MIER2: variants seen among roughly 807,000 people sequenced by gnomAD.
MIER2 encodes mesoderm induction early response protein 2.
In MIER2, 30 loss-of-function variants were observed where a neutral mutation model predicts 67.6. The ratio of observed to expected loss-of-function variants is 0.44; its 90% CI spans 0.33 to 0.60. MIER2 has a LOEUF of 0.60. MIER2 is among the 20% of genes least tolerant of loss of function. The pLI, the probability that MIER2 is intolerant of heterozygous loss-of-function variation, is 0.02. For synonymous variants in MIER2, 372 were observed against 312.6 expected (o/e 1.19, Z -2.00); for missense variants, 702 against 745.1 (o/e 0.94, Z 0.67).
chr19:324,176 C>T (rs1045475352), intron 7 of MIER2, among the ~76,000 whole-genome samples: 1 of 136,580 alleles, frequency 7.3e-6, no homozygotes, highest in African/African-American at 3.0e-5. Context: ...ATGCAATACA[C>T]AGGACACACA....
chr19:326,991 G>A, intron 5 of MIER2, 142 bp downstream of exon 5: 1 of 1,193,296 alleles, frequency 8.4e-7, no homozygotes, highest in Non-Finnish European at 1.2e-6. Context: ...CACCCCCAGG[G>A]CTACTGACGC....
intron 3 of MIER2, among the ~76,000 whole-genome samples, chr19:330,780 C>A (rs1016674210): frequency 6.6e-6 from 1 of 152,120 alleles, no homozygotes; most frequent in African/African-American, 2.4e-5. Context: ...GAGGACACAG[C>A]AAGCCAAGAA....
chr19:341,014 C>A (rs1485619703), intron 1 of MIER2, among the ~76,000 whole-genome samples: 1 of 152,208 alleles, frequency 6.6e-6, no homozygotes, highest in African/African-American at 2.4e-5. Context: ...GGCCTCACCT[C>A]TTTCCAGGAC....
At chr19:313,056 G>A (rs1442189378) in intron 8 of MIER2, among the ~76,000 whole-genome samples, 1 of 78,974 alleles carries the variant, frequency 1.3e-5, no homozygotes, top group Non-Finnish European at 2.5e-5. Flanking sequence ...ATCAGGGGCC[G>A]TCCACACCAC....
intron 7 of MIER2, among the ~76,000 whole-genome samples, chr19:324,863 G>A (rs1213692060): frequency 2.0e-5 from 3 of 152,208 alleles, no homozygotes; most frequent in Non-Finnish European, 4.4e-5. Flanking sequence ...TGTCCCCTCC[G>A]ACCCTGCCTT....
intron 5 of MIER2, 100 bp downstream of exon 5, chr19:327,033 G>A: frequency 6.9e-7 from 1 of 1,458,806 alleles, no homozygotes; most frequent in Non-Finnish European, 9.1e-7. Context: ...CATCTGTGAT[G>A]AGTTCTTGGC....
Position 306,372 on chromosome 19 carries a change from C to G in MIER2, c.*318G>C. 1 of 510,440 alleles carries G rather than the reference C, an allele frequency of 2.0e-6. No homozygotes were observed. The highest frequency in any genetic ancestry group is 2.5e-5 in the South Asian group (1 of 39,254). The allele number at this position is 510,440 out of a possible 1,614,324, so 31.6% of individuals were successfully genotyped here. A position where few individuals can be genotyped will look rare whatever the true frequency, so the allele number is the denominator to read the frequency against. ...TGGCTGGAAGGGACTAGGTGGCCGGCTCTGCCCTGCGTCCCAACGGCGGGG... is the reference window on the plus strand; with the variant it reads ...TGGCTGGAAGGGACTAGGTGGCCGGGTCTGCCCTGCGTCCCAACGGCGGGG... On this transcript the variant is annotated 3_prime_UTR_variant, in exon 14 of 14. Transcript: ENST00000264819.
rs1040017211 is a variant in MIER2, at chr19:306,479, C to T, written c.*211G>A. On this transcript the variant is annotated 3_prime_UTR_variant, in exon 14 of 14. Coordinates refer to ENST00000264819, the MANE Select transcript of MIER2 (RefSeq NM_017550.3). ...GGGTGGCAGTGCCGGGCGCTGACGG[C>T]GCTGGGTGGGGCCGTGGGTCCATTC... The T allele has an allele frequency of 4.3e-5, 29 of 681,230 alleles. No homozygotes were observed. In the East Asian group the frequency reaches 5.7e-4, roughly 14 times the overall value. The allele number at this position is 681,230 out of a possible 1,614,324, so 42.2% of individuals were successfully genotyped here.
In MIER2 at chr19:322,619, G is replaced by A. The variant is rs930613954; in HGVS notation, c.655+3016C>T. ...GGGAAATGCCAATTAAAACCACAAT[G>A]GGACAGGAGTCCATATCCACCAGAC... On this transcript the variant is annotated intron_variant, in intron 7 of 13. Coordinates refer to ENST00000264819, the MANE Select transcript of MIER2 (RefSeq NM_017550.3). Among the ~76,000 whole-genome samples, 3 of 151,986 alleles carry A rather than the reference G, an allele frequency of 2.0e-5. No individual in the cohort carries two copies. In the South Asian group the frequency reaches 6.2e-4, roughly 32 times the overall value.
At chr19:340,931 GCA>G (rs753300495) in intron 1 of MIER2, among the ~76,000 whole-genome samples, 1 of 152,230 alleles carries the variant, frequency 6.6e-6, no homozygotes, top group Non-Finnish European at 1.5e-5. Context: ...GAAGCAAGCA[GCA>G]CAGAGTGCAT....
rs75198240 is a variant in MIER2 at position 327,260 on chromosome 19, T to TAAAAAAAA, written c.370-12_370-5dup. On this transcript the variant is annotated splice_region_variant and splice_polypyrimidine_tract_variant and intron_variant, in intron 4 of 13. Transcript: ENST00000264819. Reference sequence around the variant, plus strand: ...GCAAATCCTTCGCTATTTGTTCCTTTAAAAAAAAAAAAAAAAGTAAAGAAC... The same window carrying TAAAAAAAA: ...GCAAATCCTTCGCTATTTGTTCCTTTAAAAAAAAAAAAAAAAAAAAAAAAGTAAAGAAC... The TAAAAAAAA allele has an allele frequency of 1.9e-5, 28 of 1,462,196 alleles. No homozygotes were observed. In the African/African-American group the frequency reaches 2.0e-4, roughly 10 times the overall value. 90.6% of individuals were successfully genotyped at this position (1,462,196 alleles called of 1,614,324 possible). A position where few individuals can be genotyped will look rare whatever the true frequency, so the allele number is the denominator to read the frequency against.
chr19:310,579 G>GC (rs1970924320), intron 10 of MIER2, among the ~76,000 whole-genome samples: 3 of 149,632 alleles, frequency 2.0e-5, no homozygotes, highest in Non-Finnish European at 3.0e-5. Context: ...TAGAAACACG[G>GC]CCGGGAGCTG....
intron 3 of MIER2, among the ~76,000 whole-genome samples, chr19:333,020 T>G (rs1972094942): frequency 1.9e-5 from 1 of 52,348 alleles, no homozygotes; most frequent in Admixed American, 2.5e-4. Flanking sequence ...GGAGACGGAG[T>G]CTCGCTGTGT....
chr19:313,606 G>A lies in MIER2; in HGVS notation c.693C>T (p.Ser231=), dbSNP rs150198319. The A allele has an allele frequency of 8.1e-6, 13 of 1,612,922 alleles. No homozygotes were observed. The highest frequency in any genetic ancestry group is 1.7e-5 in the Admixed American group (1 of 59,990). The change falls in exon 8 of 14, where the codon AGC becomes AGT. Residue 231 remains serine (S), a synonymous_variant. Coordinates refer to ENST00000264819, the MANE Select transcript of MIER2 (RefSeq NM_017550.3). ...CCTCCACCTCCCTCTCAGGGAGGAC[G>A]CTGGGGTCCCAGAGCAGCTGGTCTT... The part of the protein sequence containing the change: ...ENEDQLLWDP[S]VLPEREVEEF...
chr19:327,605 C>T (rs1971819300), intron 4 of MIER2, among the ~76,000 whole-genome samples: 1 of 152,228 alleles, frequency 6.6e-6, no homozygotes, highest in African/African-American at 2.4e-5. Flanking sequence ...TACGGAATGG[C>T]AGAGAGACCA....
chr19:324,559 C>A (rs1442785945), intron 7 of MIER2, among the ~76,000 whole-genome samples: 1 of 134,456 alleles, frequency 7.4e-6, no homozygotes, highest in Non-Finnish European at 1.5e-5. Flanking sequence ...ACCACACAGA[C>A]GACTCGAATG....
At chr19:337,146 A>T (rs575368021) in intron 1 of MIER2, among the ~76,000 whole-genome samples, 1 of 151,968 alleles carries the variant, frequency 6.6e-6, no homozygotes, top group African/African-American at 2.4e-5. Flanking sequence ...AAGCCACGAT[A>T]TCTCTCATGT....
chr19:317,695 A>G (rs1472365062), intron 7 of MIER2, among the ~76,000 whole-genome samples: 1 of 148,390 alleles, frequency 6.7e-6, no homozygotes, highest in Non-Finnish European at 1.5e-5. Context: ...GCATCACTGC[A>G]CTCCAGCCTG....
At position 308,609 on chromosome 19, in the gene MIER2, G is replaced by A. The variant is rs375980005; in HGVS notation, c.1166C>T (p.Pro389Leu). ...CATCCCAGTCAGGGTGTCTTGCTCC[G>A]GGCGCGGACGGCCGGGGCCATCGGG... ...SDPDGPGRPR[P>L]EQDTLTGMRT... is the part of the protein sequence containing the mutation. Residue 389 changes from proline to leucine, a missense_variant, in exon 12 of 14, where the codon CCG becomes CTG. By Grantham distance (98) the Pro-to-Leu change is moderately conservative (BLOSUM62 -3). This residue lies in a region of MIER2 where 254 missense variants were observed against 262.8 expected (regional missense o/e 0.97). Transcript: ENST00000264819. This position sits in a 1 kb window ranked among gnomAD's most constrained non-coding sequence, Gnocchi z 9.1. 171 of 1,606,852 alleles carry A rather than the reference G, an allele frequency of 1.1e-4. No individual in the cohort carries two copies. Among genetic ancestry groups the A allele is most frequent in the Non-Finnish European group, 8.0e-5 (94 of 1,177,996 alleles).
Sources: gnomAD v4.1 joint callset for allele counts (sites outside exome capture counted in the v4.1 genomes callset) on GRCh38, gnomAD v4.1.1 for gene constraint, gnomAD v4.1.1 regional missense constraint, Gnocchi (gnomAD v3.1) non-coding constraint, MANE v1.5 for transcripts, NCBI Gene and HGNC (gene_info 2026-07-23, HGNC 2026-07-21) for gene names.